Variants in SSPN observed in about 807,000 individuals in gnomAD.
SSPN encodes the protein K-ras oncogene-associated protein.
A neutral mutation model predicts 19.1 loss-of-function variants in SSPN; 15 were observed. The ratio of observed to expected loss-of-function variants is 0.78; its 90% confidence interval spans 0.52 to 1.21. SSPN has a LOEUF of 1.21. Among genes scored for constraint, SSPN ranks in the 50% most tolerant of loss-of-function variants. The pLI is 0.00. For synonymous variants in SSPN, 147 were observed against 140.3 expected (o/e 1.05, Z -0.34); for missense variants, 291 against 314.0 (o/e 0.93, Z 0.55).
chr12:26,132,047 A>G (rs1366107846), intron 1 of SSPN, among the ~76,000 whole-genome samples: 2 of 152,110 alleles, frequency 1.3e-5, no homozygotes, highest in Non-Finnish European at 2.9e-5. Flanking sequence ...CCCCTGCCAG[A>G]GGGTTGATGT....
intron 1 of SSPN, among the ~76,000 whole-genome samples, chr12:26,169,194 C>CA (rs1565676996): frequency 3.4e-5 from 5 of 148,900 alleles, no homozygotes; most frequent in African/African-American, 1.2e-4. Context: ...TTTCTACTAA[C>CA]TTTTTTTTTT....
intron 1 of SSPN, among the ~76,000 whole-genome samples, chr12:26,153,300 A>G (rs549111373): frequency 6.6e-6 from 1 of 152,344 alleles, no homozygotes; most frequent in Admixed American, 6.5e-5. Flanking sequence ...ATTAAGCACT[A>G]TCTATGTAAG....
intron 1 of SSPN, among the ~76,000 whole-genome samples, chr12:26,216,143 A>G (rs910443387): frequency 2.0e-5 from 3 of 152,192 alleles, no homozygotes; most frequent in South Asian, 2.1e-4. Flanking sequence ...ATGACTCTCT[A>G]TAAGAAATTC....
intron 1 of SSPN, among the ~76,000 whole-genome samples, chr12:26,185,329 T>G (rs1591867321): frequency 6.6e-6 from 1 of 152,192 alleles, no homozygotes; most frequent in Admixed American, 6.5e-5. Flanking sequence ...AAAAACATGT[T>G]AAGTAAAAAA....
chr12:26,172,403 T>A (rs780444233), intron 1 of SSPN, among the ~76,000 whole-genome samples: 1 of 152,222 alleles, frequency 6.6e-6, no homozygotes, highest in African/African-American at 2.4e-5. Context: ...CCTTAGGTAG[T>A]TACCATCACA....
intron 1 of SSPN, among the ~76,000 whole-genome samples, chr12:26,200,599 A>G (rs1156893178): frequency 6.6e-6 from 1 of 152,198 alleles, no homozygotes; most frequent in African/African-American, 2.4e-5. Flanking sequence ...ATGAAAAGTA[A>G]CTGGAAGAGA....
rs552922655 is a variant in SSPN at position 26,189,999 on chromosome 12, TGTA to T, written c.-30-34290_-30-34288del. On this transcript the variant is annotated intron_variant, in intron 1 of 2. Coordinates refer to the SSPN transcript ENST00000538142. ...GAGTCTTCAGTGAAGCCATGGAACA[TGTA>T]GTACAAGAAGAAAAAGGCTGAAGAA... is the stretch of plus-strand genomic sequence containing the variant. Among the ~76,000 whole-genome samples the T allele has an allele frequency of 5.2e-3, 790 of 152,252 alleles. 5 individuals are homozygous for T. The highest frequency in any genetic ancestry group is 8.8e-3 in the Non-Finnish European group (596 of 68,020).
intron 1 of SSPN, among the ~76,000 whole-genome samples, chr12:26,130,829 A>G (rs894133696): frequency 6.6e-6 from 1 of 151,680 alleles, no homozygotes; most frequent in Non-Finnish European, 1.5e-5. Flanking sequence ...TGGTCAGAAG[A>G]TGGCTGCAGG....
intron 1 of SSPN, among the ~76,000 whole-genome samples, chr12:26,224,041 T>G (rs575070094): frequency 1.3e-5 from 2 of 152,360 alleles, no homozygotes; most frequent in South Asian, 4.1e-4. Context: ...TCATATACTC[T>G]GAAGGATCTT....
chr12:26,205,530 T>C (rs899660655), intron 1 of SSPN, among the ~76,000 whole-genome samples: 1 of 152,170 alleles, frequency 6.6e-6, no homozygotes, highest in Non-Finnish European at 1.5e-5. Flanking sequence ...TAGCCCTATC[T>C]CACATTTAGC....
Position 26,195,906 on chromosome 12 carries a change from C to A in SSPN, c.234C>A (p.Ser78Arg). The stretch of plus-strand genomic sequence containing the variant: ...TGGGCTTCCTCATGGCGAGCATCAG[C>A]TCCTCCCTGCTAGTCAGGGACACTC... ...TVVGFLMASISSSLLVRDTPF... is the reference protein window; with the variant it reads ...TVVGFLMASIRSSLLVRDTPF... The change falls in exon 1 of 3, where the codon AGC becomes AGA. Residue 78 changes from serine to arginine, a missense_variant. Physicochemically the swap from Ser to Arg is moderately radical, Grantham distance 110 (BLOSUM62 -1). This residue lies in a region of SSPN where 139 missense variants were observed against 119.6 expected (regional missense o/e 1.16). Coordinates refer to ENST00000242729, the MANE Select transcript of SSPN (RefSeq NM_005086.5). The A allele has an allele frequency of 6.3e-7, 1 of 1,575,964 alleles. No individual in the cohort carries two copies.
Position 26,124,970 on chromosome 12 carries a change from GCACA to G in SSPN, c.-31+2824_-31+2827del. On this transcript the variant is annotated intron_variant, in intron 1 of 2. Coordinates refer to the SSPN transcript ENST00000538142. ...CTCCACCGCGCTCGCACACACACAC[GCACA>G]CACACGCACACTCGCGCCGGCCCCA... 5 of 634,100 alleles carry G rather than the reference GCACA, an allele frequency of 7.9e-6. No individual in the cohort carries two copies. In the South Asian group the frequency reaches 8.8e-5, roughly 11 times the overall value. 39.3% of individuals were successfully genotyped at this position (634,100 alleles called of 1,614,324 possible). A position where few individuals can be genotyped will look rare whatever the true frequency, so the allele number is the denominator to read the frequency against.
At chr12:26,182,640 T>G (rs1944726999) in intron 1 of SSPN, among the ~76,000 whole-genome samples, 1 of 130,892 alleles carries the variant, frequency 7.6e-6, no homozygotes, top group Non-Finnish European at 1.6e-5. Context: ...TTCCCTTCCC[T>G]TCCCTTCCCT....
At position 26,224,373 on chromosome 12, in the gene SSPN, T is replaced by C. The variant is rs1945155833; in HGVS notation, c.360T>C (p.Ser120=). The change falls in exon 2 of 3, where the codon TCT becomes TCC. Residue 120 remains serine (S), a synonymous_variant. Transcript: ENST00000242729. The part of the protein sequence containing the change: ...QVDERTCIQF[S]MKLLYFLLSA... ...ACGAACGGACATGTATTCAATTTTC[T>C]ATGAAAGTAAGTTGTGATTGTTCTT... The C allele has an allele frequency of 6.2e-7, 1 of 1,611,448 alleles. No individual in the cohort carries two copies. Among genetic ancestry groups the C allele is most frequent in the Admixed American group, 1.7e-5 (1 of 60,010 alleles).
At chr12:26,211,206 A>G (rs1303583993) in intron 1 of SSPN, 1 of 152,120 alleles carries the variant, frequency 6.6e-6, no homozygotes, top group East Asian at 1.9e-4. Flanking sequence ...GGTTATGCTT[A>G]TTTTGTCTTT....
At chr12:26,222,195 A>G (rs946343956) in intron 1 of SSPN, among the ~76,000 whole-genome samples, 3 of 152,150 alleles carry the variant, frequency 2.0e-5, no homozygotes, top group Non-Finnish European at 4.4e-5. Flanking sequence ...CAAATATTCC[A>G]TCCTGCTATT....
chr12:26,130,952 G>T (rs1388556274), intron 1 of SSPN, among the ~76,000 whole-genome samples: 1 of 151,982 alleles, frequency 6.6e-6, no homozygotes, highest in Admixed American at 6.6e-5. Flanking sequence ...ATTACAAGAG[G>T]TTACAAATGT....
chr12:26,124,937 TCCC>T, intron 1 of SSPN: 1 of 751,574 alleles, frequency 1.3e-6, no homozygotes. Flanking sequence ...AAGCAGTTGG[TCCC>T]CCCCCTCCAC....
chr12:26,196,600 T>C (rs1184977367), intron 1 of SSPN, among the ~76,000 whole-genome samples: 1 of 152,238 alleles, frequency 6.6e-6, no homozygotes, highest in East Asian at 1.9e-4. Context: ...AGTTGAACAG[T>C]ACTCAGCTGT....
Sources: gnomAD v4.1 joint callset for allele counts (sites outside exome capture counted in the v4.1 genomes callset) on GRCh38, gnomAD v4.1.1 for gene constraint, gnomAD v4.1.1 regional missense constraint, MANE v1.5 for transcripts, NCBI Gene and HGNC (gene_info 2026-07-23, HGNC 2026-07-21) for gene names.